The following ZNF280B variants were observed in gnomAD, a reference collection of about 807,000 sequenced individuals.
ZNF280B encodes zinc finger protein 280B.
A neutral mutation model predicts 38.0 loss-of-function variants in ZNF280B; 16 were observed. That is an observed-to-expected ratio of 0.42 (90% CI 0.28 to 0.64). ZNF280B has a LOEUF of 0.64. Ranked by LOEUF, ZNF280B falls within the 30% of genes least tolerant of loss-of-function variation. The pLI, the probability that ZNF280B is intolerant of heterozygous loss-of-function variation, is 0.21. For synonymous variants in ZNF280B, 253 were observed against 230.6 expected (o/e 1.10, Z -0.88); for missense variants, 581 against 639.6 (o/e 0.91, Z 0.99).
upstream of ZNF280B, chr22:22,509,015 C>A: frequency 6.5e-6 from 1 of 154,632 alleles, no homozygotes; most frequent in Non-Finnish European, 1.4e-5. Context: ...AGGGGGTATC[C>A]AAGCAGTCAG....
chr22:22,505,896 C>G (rs918339063), intron 2 of ZNF280B, among the ~76,000 whole-genome samples: 1 of 151,864 alleles, frequency 6.6e-6, no homozygotes, highest in African/African-American at 2.4e-5. Flanking sequence ...GCTGTGGCTA[C>G]TGTGTGGAGA....
intron 3 of ZNF280B, among the ~76,000 whole-genome samples, chr22:22,490,654 G>A (rs2061575139): frequency 6.6e-6 from 1 of 151,784 alleles, no homozygotes; most frequent in Admixed American, 6.6e-5. Context: ...TTTCAGTAGA[G>A]ATCGGGTTTC....
chr22:22,505,320 C>T lies in ZNF280B; in HGVS notation c.-187+2490G>A, dbSNP rs187493401. ...GTGGCTCACATCTGTAATCCCAACA[C>T]TTTGGGAGGCCGAGGCGGGTGGATC... On this transcript the variant is annotated intron_variant, in intron 2 of 3. Transcript: ENST00000626650. Among the ~76,000 whole-genome samples the T allele has an allele frequency of 5.2e-3, 785 of 152,004 alleles. 19 individuals are homozygous for T. The highest frequency in any genetic ancestry group is 0.044 in the Admixed American group (669 of 15,246).
Position 22,489,133 on chromosome 22 carries a change from T to C in ZNF280B, c.266A>G (p.Lys89Arg). ...RKDTARKLQPKSHETVTSEAV... is the reference protein window; with the variant it reads ...RKDTARKLQPRSHETVTSEAV... ...TTCTGATGTAACGGTCTCATGACTT[T>C]TAGGCTGCAATTTGCGAGCAGTATC... The change falls in exon 4 of 4, where the codon AAA (lysine) becomes AGA (arginine). Residue 89 changes from lysine (K) to arginine (R), a missense_variant. Transcript: ENST00000626650. 1.2e-6 allele frequency: 2 copies of C among 1,613,908 alleles called. No homozygotes were observed. The highest frequency in any genetic ancestry group is 1.7e-6 in the Non-Finnish European group (2 of 1,179,966).
At chr22:22,506,276 A>G (rs2061937438) in intron 2 of ZNF280B, among the ~76,000 whole-genome samples, 1 of 151,822 alleles carries the variant, frequency 6.6e-6, no homozygotes. Context: ...TCCATTGATT[A>G]GAGGTCATGG....
chr22:22,497,937 A>C (rs538172110), intron 2 of ZNF280B, among the ~76,000 whole-genome samples: 2 of 152,124 alleles, frequency 1.3e-5, no homozygotes, highest in Admixed American at 1.3e-4. Flanking sequence ...CATAATAATC[A>C]AAAGGTGGAA....
At chr22:22,496,020 G>A (rs1217232151) in intron 2 of ZNF280B, among the ~76,000 whole-genome samples, 1 of 150,956 alleles carries the variant, frequency 6.6e-6, no homozygotes, top group Non-Finnish European at 1.5e-5. Context: ...TGGCCAGGCT[G>A]GTCTCGAACC....
Position 22,486,585 on chromosome 22 carries a change from A to C in ZNF280B, c.*1182T>G, listed in dbSNP as rs1393936986. 6.6e-6 allele frequency: 1 copy of C among 152,318 alleles called. No homozygotes were observed. The highest frequency in any genetic ancestry group is 1.5e-5 in the Non-Finnish European group (1 of 68,026). 9.4% of individuals were successfully genotyped at this position (152,318 alleles called of 1,614,324 possible). A position where few individuals can be genotyped will look rare whatever the true frequency, so the allele number is the denominator to read the frequency against. ...GGGAATGAATCAAATTCACCTTTAG[A>C]TCACAGAACAGGAAGTCAGCTAGTA... On this transcript the variant is annotated 3_prime_UTR_variant, in exon 4 of 4. Transcript: ENST00000626650.
intron 2 of ZNF280B, among the ~76,000 whole-genome samples, chr22:22,504,448 A>C (rs1451769988): frequency 6.6e-6 from 1 of 151,690 alleles, no homozygotes; most frequent in Non-Finnish European, 1.5e-5. Context: ...AAACAAACAA[A>C]CAACTTGTGC....
At chr22:22,498,751 CAAGAAATCATATAAAAAAAAAGA>C (rs2061750603) in intron 2 of ZNF280B, among the ~76,000 whole-genome samples, 1 of 147,078 alleles carries the variant, frequency 6.8e-6, no homozygotes, top group African/African-American at 2.5e-5. Context: ...AAAATCAAAC[CAAGAAATCATATAAAAAAAAAGA>C]AAACTACAGG....
chr22:22,497,256 C>T (rs1433166183), intron 2 of ZNF280B, among the ~76,000 whole-genome samples: 1 of 122,764 alleles, frequency 8.1e-6, no homozygotes, highest in Non-Finnish European at 1.6e-5. Flanking sequence ...AAAGGCCAGG[C>T]ACAGTGGCTC....
intron 3 of ZNF280B, 77 bp from the exon 4 acceptor site, chr22:22,489,543 T>C: frequency 1.4e-6 from 1 of 700,452 alleles, no homozygotes; most frequent in South Asian, 2.2e-5. Context: ...ATTGTTTTTA[T>C]AAACCACTAT....
chr22:22,498,309 C>G (rs1252665569), intron 2 of ZNF280B, among the ~76,000 whole-genome samples: 2 of 151,844 alleles, frequency 1.3e-5, no homozygotes, highest in Non-Finnish European at 2.9e-5. Context: ...TACAAATGCA[C>G]TAAATATCAC....
chr22:22,488,050 T>A lies in ZNF280B; in HGVS notation c.1349A>T (p.His450Leu), dbSNP rs1427763760. Reference sequence around the variant, plus strand: ...ACTCTTTCCCCAGTGGCCCCTATAATGACACATGTATGGTGTTGCTGTTTT... The same window carrying A: ...ACTCTTTCCCCAGTGGCCCCTATAAAGACACATGTATGGTGTTGCTGTTTT... ...IFKTATPYMC[H>L]YRGHWGKSAH... The change falls in exon 4 of 4, where the codon CAT (histidine) becomes CTT (leucine). Residue 450 changes from histidine (H) to leucine (L), a missense_variant. His to Leu is a moderately conservative substitution (Grantham distance 99). Transcript: ENST00000626650. 6.2e-7 allele frequency: 1 copy of A among 1,613,908 alleles called. No individual in the cohort carries two copies.
chr22:22,489,389 A>G lies in ZNF280B; in HGVS notation c.10T>C (p.Ser4Pro). 6.3e-7 allele frequency: 1 copy of G among 1,585,632 alleles called. No homozygotes were observed. The highest frequency in any genetic ancestry group is 8.5e-7 in the Non-Finnish European group (1 of 1,169,922). Residue 4 changes from serine (S) to proline (P), a missense_variant, in exon 4 of 4, where the codon TCA becomes CCA. Transcript: ENST00000626650. MEQ[S>P]CEEEKEPEPQ... ...TCAGGCTCTTTCTCTTCCTCACATG[A>G]TTGTTCCATTTTCTAATTTTTTTAT...
chr22:22,501,019 C>CAAAAAAAAAAAAAAAAAAAAAA (rs56907724), intron 2 of ZNF280B, among the ~76,000 whole-genome samples: 2 of 60,266 alleles, frequency 3.3e-5, no homozygotes, highest in Non-Finnish European at 6.7e-5. Flanking sequence ...GACTCCGTCT[C>CAAAAAAAAAAAAAAAAAAAAAA]AAAAAAAAAA....
At chr22:22,509,081 C>A, upstream of ZNF280B, 1 of 154,250 alleles carries the variant, frequency 6.5e-6, no homozygotes. Context: ...GAGGGGCACC[C>A]AGGCAGTCAG....
rs1569172974 is a variant in ZNF280B at position 22,488,353 on chromosome 22, T to C, written c.1046A>G (p.His349Arg). Residue 349 changes from histidine to arginine, a missense_variant, in exon 4 of 4, where the codon CAC becomes CGC. His to Arg is a conservative substitution (Grantham distance 29, BLOSUM62 0). Coordinates refer to ENST00000626650, the MANE Select transcript of ZNF280B (RefSeq NM_080764.4). ...WENHTTCQHC[H>R]RQFPTPFQLQ... ...CTGGAAGGGAGTGGGAAACTGCCGGTGGCAGTGCTGGCAGGTGGTGTGGTT... is the reference window on the plus strand; with the variant it reads ...CTGGAAGGGAGTGGGAAACTGCCGGCGGCAGTGCTGGCAGGTGGTGTGGTT... 2 of 1,613,794 alleles carry C rather than the reference T, an allele frequency of 1.2e-6. No homozygotes were observed. Among genetic ancestry groups the C allele is most frequent in the South Asian group, 2.2e-5 (2 of 91,074 alleles).
At position 22,491,837 on chromosome 22, in the gene ZNF280B, C is replaced by A. The variant is rs1443082671; in HGVS notation, c.-69+2226G>T. ...GTTAAGCCTCATCACTAGGTCACTACTAGTTGTTTCAAAAACTGGTCTAAT... is the reference window on the plus strand; with the variant it reads ...GTTAAGCCTCATCACTAGGTCACTAATAGTTGTTTCAAAAACTGGTCTAAT... On this transcript the variant is annotated intron_variant, in intron 3 of 3. Coordinates refer to ENST00000626650, the MANE Select transcript of ZNF280B (RefSeq NM_080764.4). Among the ~76,000 whole-genome samples, 6 of 151,934 alleles carry A rather than the reference C, an allele frequency of 3.9e-5. No homozygotes were observed. The East Asian group carries it at 1.2e-3, about 30-fold the overall frequency.
Sources: gnomAD v4.1 joint callset for allele counts (sites outside exome capture counted in the v4.1 genomes callset) on GRCh38, gnomAD v4.1.1 for gene constraint, MANE v1.5 for transcripts, NCBI Gene and HGNC (gene_info 2026-07-23, HGNC 2026-07-21) for gene names.